The following RBM25 variants were observed in gnomAD, a reference collection of about 807,000 sequenced individuals.
The protein encoded by RBM25 is RNA binding motif protein 25, also known as RNA-binding protein 25.
Under a neutral mutation model 120.7 loss-of-function variants are expected in RBM25, and 19 were observed. That is an observed-to-expected ratio of 0.16 (90% confidence interval 0.11 to 0.23). RBM25 has a LOEUF of 0.23. Ranked by LOEUF, RBM25 falls within the 10% of genes least tolerant of loss-of-function variation. The pLI, the probability that RBM25 is intolerant of heterozygous loss-of-function variation, is 1.00. For synonymous variants in RBM25, 390 were observed against 326.7 expected (o/e 1.19, Z -2.09); for missense variants, 605 against 1,041.5 (o/e 0.58, Z 5.77).
chr14:73,114,776 C>G (rs1034321042), intron 18 of RBM25, among the ~76,000 whole-genome samples: 1 of 152,058 alleles, frequency 6.6e-6, no homozygotes, highest in African/African-American at 2.4e-5. Flanking sequence ...TGCCTATAGT[C>G]CCAGCTACTC....
At position 73,099,298 on chromosome 14, in the gene RBM25, A is replaced by G. The variant is rs1464040258; in HGVS notation, c.730-82A>G. 1.5e-5 allele frequency: 19 copies of G among 1,239,916 alleles called. No homozygotes were observed. In the South Asian group the frequency reaches 2.0e-4, roughly 13 times the overall value. The allele number at this position is 1,239,916 out of a possible 1,614,324, so 76.8% of individuals were successfully genotyped here. On this transcript the variant is annotated intron_variant, in intron 7 of 18. Coordinates refer to ENST00000261973, the MANE Select transcript of RBM25 (RefSeq NM_021239.3). Reference sequence around the variant, plus strand: ...AGTGTACTGTATTGTTCACGTCATAAATGTATAGGGCATTGCTTTGCAGAT... The same window carrying G: ...AGTGTACTGTATTGTTCACGTCATAGATGTATAGGGCATTGCTTTGCAGAT...
At chr14:73,112,120 C>T (rs762385047) in intron 16 of RBM25, 32 bp from the exon 17 acceptor site, 9 of 1,547,506 alleles carry the variant, frequency 5.8e-6, no homozygotes, top group Middle Eastern at 1.7e-4. Flanking sequence ...AGTTACAATT[C>T]TTTAATTCAG....
In RBM25 at chr14:73,062,388, G is replaced by A. The variant is rs189000235; in HGVS notation, c.-16+3683G>A. ...TATTGAATGAATGAGTGAGTTGTAT[G>A]TGAATATTTGCTCAGAGGAATCTCA... On this transcript the variant is annotated intron_variant, in intron 1 of 18. Transcript: ENST00000261973. 3.4e-4 allele frequency among the ~76,000 whole-genome samples: 52 copies of A among 151,422 alleles called. 2 individuals carry two copies. Among genetic ancestry groups the A allele is most frequent in the Admixed American group, 2.4e-3 (36 of 15,168 alleles).
intron 6 of RBM25, among the ~76,000 whole-genome samples, chr14:73,093,990 C>A (rs1403601725): frequency 1.5e-5 from 2 of 135,624 alleles, no homozygotes; most frequent in Non-Finnish European, 3.1e-5. Flanking sequence ...CTCACTCTGT[C>A]GCCCAGGCTG....
In RBM25 at chr14:73,121,747, T is replaced by A. The variant is rs1438796443; in HGVS notation, c.*1942T>A. 2.0e-5 allele frequency: 3 copies of A among 152,232 alleles called. No homozygotes were observed. The highest frequency in any genetic ancestry group is 4.4e-5 in the Non-Finnish European group (3 of 68,052). 9.4% of individuals were successfully genotyped at this position (152,232 alleles called of 1,614,324 possible). On this transcript the variant is annotated 3_prime_UTR_variant, in exon 19 of 19. Coordinates refer to ENST00000261973, the MANE Select transcript of RBM25 (RefSeq NM_021239.3). ...TTCAGGTAGATTTGATTTCCTTTGC[T>A]TCGTTTCTTCTCCTGCTCTGTCAAC...
intron 9 of RBM25, chr14:73,101,380 A>G (rs1264629498): frequency 6.6e-6 from 1 of 152,048 alleles, no homozygotes; most frequent in Non-Finnish European, 1.5e-5. Context: ...AAGATTTATG[A>G]TTTTTTAATC....
At chr14:73,074,971 C>T (rs114037999) in intron 2 of RBM25, among the ~76,000 whole-genome samples, 2,426 of 150,476 alleles carry the variant, frequency 0.016, 47 homozygotes, top group East Asian at 0.048. Context: ...TGTGAGCTAC[C>T]GTGTCCCCTC....
intron 4 of RBM25, among the ~76,000 whole-genome samples, chr14:73,079,922 C>T (rs1895518669): frequency 6.6e-6 from 1 of 150,538 alleles, no homozygotes; most frequent in Non-Finnish European, 1.5e-5. Context: ...CTGAGGTCTG[C>T]AGAGAACTAG....
chr14:73,096,293 A>C (rs1895940674), intron 6 of RBM25, among the ~76,000 whole-genome samples: 1 of 152,114 alleles, frequency 6.6e-6, no homozygotes, highest in Non-Finnish European at 1.5e-5. Context: ...TTATTGATAA[A>C]GACCTACAAA....
At chr14:73,110,413 A>G (rs1183631832) in intron 14 of RBM25, among the ~76,000 whole-genome samples, 4 of 149,690 alleles carry the variant, frequency 2.7e-5, no homozygotes, top group East Asian at 2.0e-4. Flanking sequence ...GCCACTGCCC[A>G]TGTCCTTTTT....
intron 1 of RBM25, among the ~76,000 whole-genome samples, chr14:73,069,184 GT>G (rs1189941500): frequency 1.3e-5 from 2 of 152,238 alleles, no homozygotes; most frequent in Non-Finnish European, 2.9e-5. Context: ...GATTGCAGAC[GT>G]GAGCCACCAT....
At chr14:73,091,035 A>G (rs953769190) in intron 6 of RBM25, among the ~76,000 whole-genome samples, 8 of 152,234 alleles carry the variant, frequency 5.3e-5, no homozygotes, top group African/African-American at 1.9e-4. Context: ...TGGATTCAGT[A>G]TCTTCAAAGT....
Position 73,105,935 on chromosome 14 carries a change from C to T in RBM25, c.1231C>T (p.Arg411Trp), listed in dbSNP as rs762410879. The T allele has an allele frequency of 3.7e-6, 6 of 1,610,100 alleles. No individual in the cohort carries two copies. The highest frequency in any genetic ancestry group is 3.4e-6 in the Non-Finnish European group (4 of 1,178,378). Residue 411 changes from arginine to tryptophan, a missense_variant, in exon 11 of 19, where the codon CGG (arginine) becomes TGG (tryptophan). Arg to Trp is a moderately radical substitution (Grantham distance 101, BLOSUM62 -3). Transcript: ENST00000261973. ...RERERERERE[R>W]ERERERERER... ...GAGAGAACGAGAGCGAGAACGAGAA[C>T]GGGAGCGAGAGAGAGAGCGAGAGAG...
At chr14:73,087,225 G>C (rs1369548886) in intron 5 of RBM25, among the ~76,000 whole-genome samples, 1 of 152,104 alleles carries the variant, frequency 6.6e-6, no homozygotes, top group Non-Finnish European at 1.5e-5. Flanking sequence ...AGATTGACTA[G>C]TTATAAAAGG....
chr14:73,073,710 C>T (rs1218100962), intron 2 of RBM25, among the ~76,000 whole-genome samples: 2 of 152,042 alleles, frequency 1.3e-5, no homozygotes, highest in African/African-American at 4.8e-5. Context: ...AAAATCAGAA[C>T]AACTGTTTAT....
intron 10 of RBM25, among the ~76,000 whole-genome samples, chr14:73,103,940 TCTCTCTCTCACACACACACACA>T (rs1566597419): frequency 9.7e-5 from 4 of 41,092 alleles, no homozygotes; most frequent in African/African-American, 3.6e-4. Context: ...TCTCTCTCTC[TCTCTCTCTCACACACACACACA>T]CACACACACA....
chr14:73,088,258 A>T lies in RBM25; in HGVS notation c.543+97A>T, dbSNP rs577034494. ...TGAATCTAATATGGGGCTTCAAAAG[A>T]TCATCATGTATGTGCTTGTGGCTTA... On this transcript the variant is annotated intron_variant, in intron 6 of 18. Transcript: ENST00000261973. The T allele has an allele frequency of 5.5e-5, 79 of 1,439,246 alleles. No individual in the cohort carries two copies. The African/African-American group carries it at 9.8e-4, about 18-fold the overall frequency. The allele number at this position is 1,439,246 out of a possible 1,614,324, so 89.2% of individuals were successfully genotyped here. A position where few individuals can be genotyped will look rare whatever the true frequency, so the allele number is the denominator to read the frequency against.
intron 18 of RBM25, among the ~76,000 whole-genome samples, chr14:73,115,825 A>G (rs1214537672): frequency 1.3e-5 from 2 of 152,216 alleles, no homozygotes; most frequent in Non-Finnish European, 2.9e-5. Context: ...TAATAAAACA[A>G]CTGAAAGGAG....
chr14:73,094,470 C>T lies in RBM25; in HGVS notation c.544-2445C>T, dbSNP rs150767879. Reference sequence around the variant, plus strand: ...TAAGGATTTTTTTTGTCTTTTGAGACGGAGTCTTGCTCTGTCGCCCAGGCT... The same window carrying T: ...TAAGGATTTTTTTTGTCTTTTGAGATGGAGTCTTGCTCTGTCGCCCAGGCT... On this transcript the variant is annotated intron_variant, in intron 6 of 18. Coordinates refer to ENST00000261973, the MANE Select transcript of RBM25 (RefSeq NM_021239.3). 5.9e-5 allele frequency among the ~76,000 whole-genome samples: 9 copies of T among 151,732 alleles called. No individual in the cohort carries two copies. In the South Asian group the frequency reaches 6.2e-4, roughly 11 times the overall value.
Sources: gnomAD v4.1 joint callset for allele counts (sites outside exome capture counted in the v4.1 genomes callset) on GRCh38, gnomAD v4.1.1 for gene constraint, MANE v1.5 for transcripts, NCBI Gene and HGNC (gene_info 2026-07-23, HGNC 2026-07-21) for gene names.